The following PCDH15 variants were observed in gnomAD, a reference collection of about 807,000 sequenced individuals.
PCDH15 encodes protocadherin-15.
PCDH15 carries 129 observed loss-of-function variants against 178.5 expected under a neutral mutation model. The ratio of observed to expected loss-of-function variants is 0.72; its 90% confidence interval spans 0.63 to 0.84. PCDH15 has a LOEUF of 0.84. Among genes scored for constraint, PCDH15 ranks in the 40% least tolerant of loss-of-function variants. PCDH15 has a pLI of 0.00. For missense variants in PCDH15, 2,230 were observed against 2,099.9 expected, an observed-to-expected ratio of 1.06 and a Z score of -1.21; for synonymous variants, 800 against 732.0, an observed-to-expected ratio of 1.09 and a Z score of -1.50.
intron 34 of PCDH15, among the ~76,000 whole-genome samples, chr10:53,817,170 GTT>G (rs2076089163): frequency 1.4e-5 from 2 of 145,228 alleles, no homozygotes; most frequent in African/African-American, 5.1e-5. Context: ...TGGTGAGTTA[GTT>G]ATTTTACTTA....
intron 13 of PCDH15, among the ~76,000 whole-genome samples, chr10:54,164,215 T>C (rs1415241021): frequency 6.6e-6 from 1 of 152,190 alleles, no homozygotes; most frequent in Non-Finnish European, 1.5e-5. Context: ...ATGTATGATA[T>C]GTAGGAAAAG....
chr10:54,296,622 C>G (rs187352511), intron 8 of PCDH15, among the ~76,000 whole-genome samples: 1 of 152,100 alleles, frequency 6.6e-6, no homozygotes, highest in African/African-American at 2.4e-5. Flanking sequence ...CACCCAGGCT[C>G]ACCAATCAGA....
intron 2 of PCDH15, among the ~76,000 whole-genome samples, chr10:55,391,152 T>C (rs1837782989): frequency 6.6e-6 from 1 of 152,190 alleles, no homozygotes; most frequent in Non-Finnish European, 1.5e-5. Context: ...GCCACACTTA[T>C]CAACTATCTT....
intron 3 of PCDH15, among the ~76,000 whole-genome samples, chr10:54,396,271 T>G (rs1020280976): frequency 6.6e-6 from 1 of 152,176 alleles, no homozygotes; most frequent in African/African-American, 2.4e-5. Flanking sequence ...ATCCTTTTCC[T>G]TTGTCATGTC....
At chr10:55,005,407 C>T (rs147850144) in intron 2 of PCDH15, among the ~76,000 whole-genome samples, 2 of 151,960 alleles carry the variant, frequency 1.3e-5, no homozygotes, top group Admixed American at 1.3e-4. Flanking sequence ...AATTTGAATT[C>T]TTTTAGCAGA....
chr10:54,419,354 G>A (rs1774650), intron 3 of PCDH15, among the ~76,000 whole-genome samples: 31,185 of 143,630 alleles, frequency 0.22, 3,956 homozygotes, highest in African/African-American at 0.38. Flanking sequence ...ATTCTTCTTG[G>A]CTTTTCTCCA....
intron 13 of PCDH15, 105 bp from the exon 14 acceptor site, chr10:54,153,398 A>G (rs1293629500): frequency 7.8e-7 from 1 of 1,288,802 alleles, no homozygotes; most frequent in African/African-American, 1.5e-5. Context: ...AAAAAAACAC[A>G]GGAAAGTTTC....
At chr10:55,071,418 G>T (rs1435800516) in intron 2 of PCDH15, among the ~76,000 whole-genome samples, 1 of 151,418 alleles carries the variant, frequency 6.6e-6, no homozygotes, top group South Asian at 2.1e-4. Context: ...CAAGCAAATG[G>T]AAAACAAAAA....
chr10:55,459,144 T>G (rs779015338), intron 2 of PCDH15, among the ~76,000 whole-genome samples: 4 of 147,454 alleles, frequency 2.7e-5, no homozygotes. Context: ...AAGACAACAG[T>G]GTTCAGGAAA....
intron 2 of PCDH15, among the ~76,000 whole-genome samples, chr10:54,921,536 A>T (rs748450057): frequency 3.3e-5 from 5 of 151,994 alleles, no homozygotes; most frequent in Non-Finnish European, 7.4e-5. Flanking sequence ...CTATGTGTCC[A>T]TGTGTTCTCA....
chr10:54,370,106 A>C (rs1342283152), intron 4 of PCDH15, among the ~76,000 whole-genome samples: 1 of 152,106 alleles, frequency 6.6e-6, no homozygotes, highest in South Asian at 2.1e-4. Flanking sequence ...TGAACGGGAA[A>C]GGTCAAAGAT....
chr10:54,719,858 C>T (rs1941281915), intron 1 of PCDH15, among the ~76,000 whole-genome samples: 2 of 148,502 alleles, frequency 1.3e-5, no homozygotes, highest in Non-Finnish European at 1.5e-5. Flanking sequence ...GACATGATCT[C>T]ATTCTTTTTA....
At chr10:55,076,426 C>T (rs1285794253) in intron 2 of PCDH15, among the ~76,000 whole-genome samples, 2 of 145,690 alleles carry the variant, frequency 1.4e-5, no homozygotes, top group Non-Finnish European at 3.0e-5. Flanking sequence ...TATCCTCTTG[C>T]TGTGTTTTTT....
At chr10:55,171,830 C>T (rs1026043459) in intron 1 of PCDH15, among the ~76,000 whole-genome samples, 9 of 151,712 alleles carry the variant, frequency 5.9e-5, no homozygotes, top group African/African-American at 1.9e-4. Context: ...AAAAAAAATG[C>T]TATGTTCAAG....
intron 5 of PCDH15, among the ~76,000 whole-genome samples, chr10:54,367,427 T>C (rs546296981): frequency 6.6e-6 from 1 of 152,184 alleles, no homozygotes; most frequent in South Asian, 2.1e-4. Flanking sequence ...TCAAATCACA[T>C]AGGATGCTTT....
At chr10:53,930,441 G>C in intron 25 of PCDH15, among the ~76,000 whole-genome samples, 1 of 100,336 alleles carries the variant, frequency 1.0e-5, no homozygotes, top group East Asian at 3.4e-4. Flanking sequence ...CTGGGTGACA[G>C]AGTGAGACTC....
At chr10:55,448,424 T>C (rs1219200963) in intron 2 of PCDH15, among the ~76,000 whole-genome samples, 1 of 151,928 alleles carries the variant, frequency 6.6e-6, no homozygotes, top group African/African-American at 2.4e-5. Context: ...CCTGGGAAAA[T>C]GTGTGTTACA....
intron 2 of PCDH15, among the ~76,000 whole-genome samples, chr10:54,546,246 T>C (rs1293739093): frequency 3.3e-5 from 5 of 152,164 alleles, no homozygotes; most frequent in Admixed American, 2.6e-4. Flanking sequence ...TTCTATGAAA[T>C]TGGATGAATG....
At chr10:53,809,942 T>C (rs1419939194) in intron 37 of PCDH15, among the ~76,000 whole-genome samples, 1 of 152,172 alleles carries the variant, frequency 6.6e-6, no homozygotes, top group Admixed American at 6.5e-5. Flanking sequence ...CACGAAAATA[T>C]GACGATTTAT....
Sources: gnomAD v4.1 joint callset for allele counts (sites outside exome capture counted in the v4.1 genomes callset) on GRCh38, gnomAD v4.1.1 for gene constraint, MANE v1.5 for transcripts, NCBI Gene and HGNC (gene_info 2026-07-23, HGNC 2026-07-21) for gene names.